The following UGCG variants were observed in gnomAD, a reference collection of about 807,000 sequenced individuals.
UGCG encodes the protein UDP-glucose ceramide glucosyltransferase.
A neutral mutation model predicts 49.5 loss-of-function variants in UGCG; 10 were observed. The ratio of observed to expected loss-of-function variants is 0.20; its 90% confidence interval spans 0.12 to 0.34. The LOEUF is 0.34. Among genes scored for constraint, UGCG ranks in the 10% least tolerant of loss-of-function variants. UGCG has a pLI of 1.00. For synonymous variants in UGCG, 182 were observed against 158.2 expected (o/e 1.15, Z -1.13); for missense variants, 312 against 483.7 (o/e 0.65, Z 3.33).
At chr9:111,925,575 T>C (rs1421130290) in intron 4 of UGCG, among the ~76,000 whole-genome samples, 1 of 152,250 alleles carries the variant, frequency 6.6e-6, no homozygotes, top group African/African-American at 2.4e-5. Flanking sequence ...TGTTGCCGGA[T>C]GTCCCCTGTG....
intron 2 of UGCG, among the ~76,000 whole-genome samples, chr9:111,920,182 T>C (rs1838194813): frequency 6.6e-6 from 1 of 152,102 alleles, no homozygotes; most frequent in African/African-American, 2.4e-5. Flanking sequence ...GAGGTAGATA[T>C]TGGATAGAAT....
chr9:111,915,934 G>A (rs1838102288), intron 2 of UGCG: 1 of 656,086 alleles, frequency 1.5e-6, no homozygotes, highest in Non-Finnish European at 1.9e-6. Context: ...AGTATTGGAA[G>A]CTGTTTTGAA....
intron 1 of UGCG, among the ~76,000 whole-genome samples, chr9:111,901,765 C>A (rs1837777293): frequency 6.6e-6 from 1 of 152,280 alleles, no homozygotes; most frequent in African/African-American, 2.4e-5. Flanking sequence ...GATTCATTAT[C>A]CCTGCCTTTC....
intron 2 of UGCG, among the ~76,000 whole-genome samples, chr9:111,921,075 C>T (rs1210008305): frequency 6.6e-6 from 1 of 151,626 alleles, no homozygotes; most frequent in Non-Finnish European, 1.5e-5. Context: ...GCTAATTTTT[C>T]GTATTTTTAG....
chr9:111,916,506 G>T (rs1216289858), intron 2 of UGCG, among the ~76,000 whole-genome samples: 1 of 152,096 alleles, frequency 6.6e-6, no homozygotes, highest in Non-Finnish European at 1.5e-5. Flanking sequence ...ATCTTGCTTT[G>T]TCACCTAGGC....
rs571183057 is a variant in UGCG, at chr9:111,907,269, T to C, written c.99-7336T>C. Among the ~76,000 whole-genome samples, 12 of 152,326 alleles carry C rather than the reference T, an allele frequency of 7.9e-5. No homozygotes were observed. In the South Asian group the frequency reaches 2.1e-3, roughly 26 times the overall value. Reference sequence around the variant, plus strand: ...TGCATTTGCAGAGTCCCGTACAGACTCTACTTCTGAATGAGAGGTGGCGTG... The same window carrying C: ...TGCATTTGCAGAGTCCCGTACAGACCCTACTTCTGAATGAGAGGTGGCGTG... On this transcript the variant is annotated intron_variant, in intron 1 of 8. Transcript: ENST00000374279.
At chr9:111,928,995 G>C (rs1200108399) in intron 5 of UGCG, among the ~76,000 whole-genome samples, 3 of 152,050 alleles carry the variant, frequency 2.0e-5, no homozygotes, top group Non-Finnish European at 4.4e-5. Context: ...GGAGCAGCTA[G>C]CTACAAAAGG....
intron 1 of UGCG, among the ~76,000 whole-genome samples, chr9:111,906,715 G>A (rs1220470510): frequency 6.6e-6 from 1 of 152,192 alleles, no homozygotes; most frequent in Non-Finnish European, 1.5e-5. Flanking sequence ...ACAGGCATGA[G>A]CCACTGCACC....
chr9:111,910,086 A>G (rs1485243862), intron 1 of UGCG, among the ~76,000 whole-genome samples: 2 of 152,252 alleles, frequency 1.3e-5, no homozygotes, highest in Non-Finnish European at 2.9e-5. Context: ...TGCATTCTCA[A>G]CATGAAAAGT....
intron 1 of UGCG, among the ~76,000 whole-genome samples, chr9:111,906,756 G>A (rs114290358): frequency 2.1e-3 from 319 of 152,168 alleles, no homozygotes; most frequent in African/African-American, 7.3e-3. Context: ...ATGCCTTTCT[G>A]GTTTGTGTGC....
intron 7 of UGCG, 138 bp from the exon 8 acceptor site, chr9:111,932,032 A>C (rs34580738): frequency 0.37 from 347,044 of 947,582 alleles, 68,892 homozygotes; most frequent in African/African-American, 0.6. Context: ...GTAAAAAAAA[A>C]AAAACAAAAC....
chr9:111,923,106 T>C (rs1351969809), intron 3 of UGCG, among the ~76,000 whole-genome samples, 155 bp downstream of exon 3: 3 of 152,070 alleles, frequency 2.0e-5, no homozygotes, highest in Non-Finnish European at 2.9e-5. Context: ...AGAAAAGTTA[T>C]AAAAACAAAG....
intron 1 of UGCG, among the ~76,000 whole-genome samples, chr9:111,902,000 G>C (rs907905057): frequency 6.6e-6 from 1 of 152,216 alleles, no homozygotes; most frequent in Non-Finnish European, 1.5e-5. Context: ...AATGAGACAA[G>C]CACAGCTCTG....
chr9:111,897,079 C>G lies in UGCG; in HGVS notation c.-137C>G, dbSNP rs944815869. Reference sequence around the variant, plus strand: ...CTGCCCGCCCCTTCCGTCCCCACCCCCCTCCGCCCTTTCCTCTCCCCACCT... The same window carrying G: ...CTGCCCGCCCCTTCCGTCCCCACCCGCCTCCGCCCTTTCCTCTCCCCACCT... On this transcript the variant is annotated 5_prime_UTR_variant, in exon 1 of 9. Transcript: ENST00000374279. The G allele has an allele frequency of 3.6e-6, 2 of 553,618 alleles. No homozygotes were observed. The highest frequency in any genetic ancestry group is 6.0e-6 in the Non-Finnish European group (2 of 331,068). 34.3% of individuals were successfully genotyped at this position (553,618 alleles called of 1,614,324 possible). A position where few individuals can be genotyped will look rare whatever the true frequency, so the allele number is the denominator to read the frequency against.
Position 111,897,126 on chromosome 9 carries a change from C to G in UGCG, c.-90C>G, listed in dbSNP as rs1023126288. On this transcript the variant is annotated 5_prime_UTR_variant, in exon 1 of 9. Coordinates refer to ENST00000374279, the MANE Select transcript of UGCG (RefSeq NM_003358.3). Reference sequence around the variant, plus strand: ...ACCTTCCTCTCGCCTCCCGCGCCCCCGCACCGGGCGCCCACCCTGTCCTCC... The same window carrying G: ...ACCTTCCTCTCGCCTCCCGCGCCCCGGCACCGGGCGCCCACCCTGTCCTCC... The G allele has an allele frequency of 1.0e-5, 12 of 1,156,588 alleles. No individual in the cohort carries two copies. The highest frequency in any genetic ancestry group is 1.5e-5 in the South Asian group (1 of 67,446). The allele number at this position is 1,156,588 out of a possible 1,614,324, so 71.6% of individuals were successfully genotyped here.
chr9:111,924,955 C>A, intron 4 of UGCG, 77 bp downstream of exon 4: 3 of 797,956 alleles, frequency 3.8e-6, no homozygotes, highest in Admixed American at 4.0e-5. Flanking sequence ...CAGATACATT[C>A]ATGAGTTCTT....
chr9:111,907,875 C>T (rs1056807868), intron 1 of UGCG, among the ~76,000 whole-genome samples: 5 of 152,098 alleles, frequency 3.3e-5, no homozygotes, highest in Admixed American at 6.6e-5. Context: ...ATTATCCTCC[C>T]GCCTTGGCCT....
intron 1 of UGCG, among the ~76,000 whole-genome samples, chr9:111,912,189 G>A (rs573922476): frequency 1.1e-4 from 17 of 151,672 alleles, no homozygotes; most frequent in South Asian, 1.0e-3. Context: ...GGTTATATGC[G>A]TTTTAGATCG....
At chr9:111,911,528 T>TG (rs1837993884) in intron 1 of UGCG, among the ~76,000 whole-genome samples, 1 of 152,086 alleles carries the variant, frequency 6.6e-6, no homozygotes. Flanking sequence ...AACAGGCAGA[T>TG]GGGGGGCCAG....
Sources: gnomAD v4.1 joint callset for allele counts (sites outside exome capture counted in the v4.1 genomes callset) on GRCh38, gnomAD v4.1.1 for gene constraint, MANE v1.5 for transcripts, NCBI Gene and HGNC (gene_info 2026-07-23, HGNC 2026-07-21) for gene names.